The following CADM2 variants were observed in gnomAD, a reference collection of about 807,000 sequenced individuals.
CADM2 encodes immunoglobulin superfamily member 4D.
A neutral mutation model predicts 49.8 loss-of-function variants in CADM2; 12 were observed. The observed-to-expected ratio is 0.24, with a 90% CI of 0.15 to 0.39. The LOEUF (loss-of-function observed/expected upper bound fraction) is 0.39, where lower values mean the gene tolerates loss of function less well. CADM2 is among the 10% of genes least tolerant of loss of function. The pLI is 1.00. For synonymous variants in CADM2, 214 were observed against 175.4 expected (o/e 1.22, Z -1.74); for missense variants, 378 against 492.3 (o/e 0.77, Z 2.20).
intron 1 of CADM2, among the ~76,000 whole-genome samples, chr3:85,450,492 T>G (rs1053594267): frequency 1.3e-5 from 2 of 151,862 alleles, no homozygotes; most frequent in Non-Finnish European, 2.9e-5. Flanking sequence ...CAGTACAGCA[T>G]AAATAATAAA....
chr3:85,141,689 G>T (rs899549544), intron 1 of CADM2, among the ~76,000 whole-genome samples: 2 of 152,130 alleles, frequency 1.3e-5, no homozygotes, highest in Non-Finnish European at 2.9e-5. Context: ...TAGGATATAT[G>T]TTAATGGAAA....
At chr3:85,938,693 GA>G (rs1721468369) in intron 7 of CADM2, among the ~76,000 whole-genome samples, 1 of 151,656 alleles carries the variant, frequency 6.6e-6, no homozygotes. Flanking sequence ...TGTTATTTAA[GA>G]ACCACTGAGA....
chr3:85,524,810 A>G (rs1002346565), intron 1 of CADM2, among the ~76,000 whole-genome samples: 6 of 152,196 alleles, frequency 3.9e-5, no homozygotes, highest in Admixed American at 1.3e-4. Flanking sequence ...CTTACACTCA[A>G]TACACATGCT....
intron 1 of CADM2, among the ~76,000 whole-genome samples, chr3:85,717,158 C>T (rs2067323195): frequency 6.6e-6 from 1 of 151,882 alleles, no homozygotes; most frequent in Non-Finnish European, 1.5e-5. Context: ...TGTTTGTTTC[C>T]CCTCTTATTT....
At chr3:85,962,441 G>T (rs528508900) in intron 8 of CADM2, among the ~76,000 whole-genome samples, 1 of 151,998 alleles carries the variant, frequency 6.6e-6, no homozygotes, top group East Asian at 2.0e-4. Flanking sequence ...ATAATTTAAA[G>T]TTCCTACAGA....
At chr3:85,297,908 A>T (rs1314910310) in intron 1 of CADM2, among the ~76,000 whole-genome samples, 1 of 152,104 alleles carries the variant, frequency 6.6e-6, no homozygotes, top group Admixed American at 6.6e-5. Flanking sequence ...AGACTATAGG[A>T]ATCATGTAAT....
intron 1 of CADM2, among the ~76,000 whole-genome samples, chr3:85,143,165 A>G (rs150871402): frequency 1.7e-4 from 26 of 152,230 alleles, no homozygotes; most frequent in African/African-American, 6.3e-4. Flanking sequence ...GATTTTGAAG[A>G]GGGATTAAAC....
At chr3:85,438,395 A>T (rs963606977) in intron 1 of CADM2, among the ~76,000 whole-genome samples, 1 of 151,918 alleles carries the variant, frequency 6.6e-6, no homozygotes, top group Non-Finnish European at 1.5e-5. Context: ...ATACTTTTCA[A>T]CAACTATAAA....
intron 1 of CADM2, among the ~76,000 whole-genome samples, chr3:85,446,910 T>G (rs552579716): frequency 6.7e-6 from 1 of 148,386 alleles, no homozygotes; most frequent in African/African-American, 2.5e-5. Flanking sequence ...CCATGAACGA[T>G]TTTTAGTGCC....
At chr3:84,997,912 T>A (rs918142397) in intron 1 of CADM2, among the ~76,000 whole-genome samples, 4 of 152,146 alleles carry the variant, frequency 2.6e-5, no homozygotes, top group Non-Finnish European at 5.9e-5. Context: ...AAAAATCATT[T>A]CCTTGATTGT....
chr3:85,114,501 CA>C (rs762926283), intron 1 of CADM2, among the ~76,000 whole-genome samples: 8 of 152,156 alleles, frequency 5.3e-5, no homozygotes, highest in African/African-American at 1.2e-4. Flanking sequence ...GTTACCTGAA[CA>C]GTAATTAACA....
At chr3:85,571,925 A>G (rs1404170029) in intron 1 of CADM2, among the ~76,000 whole-genome samples, 6 of 152,322 alleles carry the variant, frequency 3.9e-5, no homozygotes, top group Non-Finnish European at 7.4e-5. Flanking sequence ...GACATTGCCT[A>G]TGTTAAAAAT....
chr3:85,098,545 T>C (rs935012789), intron 1 of CADM2, among the ~76,000 whole-genome samples: 4 of 152,198 alleles, frequency 2.6e-5, no homozygotes, highest in Non-Finnish European at 2.9e-5. Context: ...GATAAGTCAC[T>C]GTAATTTATT....
At chr3:85,008,679 G>A (rs187716813) in intron 1 of CADM2, among the ~76,000 whole-genome samples, 3 of 151,814 alleles carry the variant, frequency 2.0e-5, no homozygotes, top group Admixed American at 1.3e-4. Context: ...TGAAGCAGAC[G>A]GAATTAAAGA....
At chr3:85,481,164 C>T (rs887695155) in intron 1 of CADM2, among the ~76,000 whole-genome samples, 3 of 150,192 alleles carry the variant, frequency 2.0e-5, no homozygotes, top group Admixed American at 1.3e-4. Context: ...AATGATAAGA[C>T]ATTAATCTTT....
At chr3:85,107,273 AT>A in intron 1 of CADM2, among the ~76,000 whole-genome samples, 1 of 152,308 alleles carries the variant, frequency 6.6e-6, no homozygotes, top group African/African-American at 2.4e-5. Flanking sequence ...ATATATGGAT[AT>A]TTCATAAGTT....
chr3:85,106,292 A>G (rs1213814319), intron 1 of CADM2, among the ~76,000 whole-genome samples: 2 of 152,086 alleles, frequency 1.3e-5, no homozygotes, highest in African/African-American at 2.4e-5. Flanking sequence ...AAAGTAAGGA[A>G]GATGGAGATT....
At position 85,857,063 on chromosome 3, in the gene CADM2, A is replaced by G. The variant is rs538752291; in HGVS notation, c.239-26228A>G. Among the ~76,000 whole-genome samples, 9 of 152,264 alleles carry G rather than the reference A, an allele frequency of 5.9e-5. No individual in the cohort carries two copies. In the South Asian group the frequency reaches 1.9e-3, roughly 32 times the overall value. On this transcript the variant is annotated intron_variant, in intron 3 of 9. Coordinates refer to ENST00000383699, the MANE Select transcript of CADM2 (RefSeq NM_001167675.2). ...GCAACAGCATAGTTGGGTTCTAGTG[A>G]TGTTCTCTTTCAGGTTGTAGACCAC...
intron 1 of CADM2, among the ~76,000 whole-genome samples, chr3:85,080,485 T>C (rs976469008): frequency 6.6e-6 from 1 of 152,090 alleles, no homozygotes; most frequent in Non-Finnish European, 1.5e-5. Context: ...AGATACATTA[T>C]ACATCATATA....
Sources: gnomAD v4.1 joint callset for allele counts (sites outside exome capture counted in the v4.1 genomes callset) on GRCh38, gnomAD v4.1.1 for gene constraint, MANE v1.5 for transcripts, NCBI Gene and HGNC (gene_info 2026-07-23, HGNC 2026-07-21) for gene names.